WDR4: variants seen among roughly 807,000 people sequenced by gnomAD.
WDR4 encodes WDR4 tRNA N7-guanosine methyltransferase non-catalytic subunit.
WDR4 carries 47 observed loss-of-function variants against 48.6 expected under a neutral mutation model. The ratio of observed to expected loss-of-function variants is 0.97; its 90% CI spans 0.77 to 1.23. WDR4 has a LOEUF of 1.23. Ranked by LOEUF, WDR4 falls within the 50% of genes most tolerant of loss-of-function variation. The probability of loss-of-function intolerance (pLI) is 0.00; values close to 1 mark genes in which losing one functional copy is unlikely to be tolerated. For missense variants in WDR4, 606 were observed against 551.6 expected (o/e 1.10, Z -0.99); for synonymous variants, 268 against 230.0 (o/e 1.17, Z -1.49).
At chr21:42,875,992 C>T (rs1485311406) in intron 2 of WDR4, among the ~76,000 whole-genome samples, 2 of 143,226 alleles carry the variant, frequency 1.4e-5, no homozygotes, top group African/African-American at 5.4e-5. Flanking sequence ...CAACCTCGGC[C>T]GACTGCAACC....
intron 9 of WDR4, 90 bp from the exon 10 acceptor site, chr21:42,852,414 T>C: frequency 1.4e-6 from 2 of 1,446,854 alleles, no homozygotes; most frequent in Non-Finnish European, 1.9e-6. Flanking sequence ...CAGAGAGGCT[T>C]GCAGGGGAGG....
intron 7 of WDR4, among the ~76,000 whole-genome samples, chr21:42,855,174 C>A (rs1402340074): frequency 1.3e-5 from 2 of 151,938 alleles, no homozygotes; most frequent in African/African-American, 4.8e-5. Context: ...CTTCCAGGAA[C>A]CTGAGTCCAC....
At chr21:42,874,154 T>C (rs1360317922) in intron 2 of WDR4, among the ~76,000 whole-genome samples, 1 of 152,248 alleles carries the variant, frequency 6.6e-6, no homozygotes, top group Non-Finnish European at 1.5e-5. Flanking sequence ...GAAGATTTCA[T>C]GGACATTTAT....
At chr21:42,887,721 C>A in the WDR4 span, among the ~76,000 whole-genome samples, 1 of 152,038 alleles carries the variant, frequency 6.6e-6, no homozygotes, top group Non-Finnish European at 1.5e-5. Context: ...ATAAATTTAC[C>A]AGCCTGGCCA....
intron 8 of WDR4, 35 bp from the exon 9 acceptor site, chr21:42,853,787 C>T (rs1157702322): frequency 2.0e-6 from 3 of 1,533,276 alleles, no homozygotes; most frequent in East Asian, 2.5e-5. Context: ...ATTACTAGGA[C>T]TGCAGGCCCA....
At chr21:42,890,638 A>G in the WDR4 span, among the ~76,000 whole-genome samples, 1 of 152,218 alleles carries the variant, frequency 6.6e-6, no homozygotes, top group Non-Finnish European at 1.5e-5. Flanking sequence ...ATAAACAAAC[A>G]TACACTTTTA....
chr21:42,863,633 GA>G, intron 3 of WDR4, 37 bp from the exon 4 acceptor site: 1 of 1,601,828 alleles, frequency 6.2e-7, no homozygotes, highest in Middle Eastern at 1.7e-4. Flanking sequence ...TAGCTTCCAG[GA>G]GCAGCGCAGG....
downstream of WDR4, among the ~76,000 whole-genome samples, chr21:42,845,881 C>T (rs754364513): frequency 3.9e-5 from 6 of 152,148 alleles, no homozygotes; most frequent in Non-Finnish European, 4.4e-5. Flanking sequence ...ACCTGTAATC[C>T]CAGTGCTTTG....
At position 42,850,196 on chromosome 21, in the gene WDR4, C is replaced by T. The variant is rs1184434296; in HGVS notation, c.1092G>A (p.Thr364=). 8.1e-6 allele frequency: 13 copies of T among 1,613,686 alleles called. No individual in the cohort carries two copies. Among genetic ancestry groups the T allele is most frequent in the Admixed American group, 1.7e-5 (1 of 59,932 alleles). Residue 364 remains threonine, a synonymous_variant, in exon 11 of 11, where the codon ACG becomes ACA. Coordinates refer to ENST00000398208, the MANE Select transcript of WDR4 (RefSeq NM_018669.6). ...TCAGGTAGGAGGTCACGTTGTCGAA[C>T]GTGGCCTTGTAGAGACTGCTGAAGC... ...DASFSSLYKA[T]FDNVTSYLKK...
chr21:42,892,456 C>A, the WDR4 span, among the ~76,000 whole-genome samples: 2 of 150,060 alleles, frequency 1.3e-5, no homozygotes, highest in African/African-American at 5.0e-5. Context: ...AGGCCTCATT[C>A]CGCCAGTTTA....
intron 5 of WDR4, 39 bp from the exon 6 acceptor site, chr21:42,859,761 A>T: frequency 6.4e-7 from 1 of 1,551,044 alleles, no homozygotes; most frequent in Non-Finnish European, 8.7e-7. Context: ...CAGCGAGCCC[A>T]GCGCCCGCAG....
chr21:42,844,886 G>A (rs1031004285), downstream of WDR4, among the ~76,000 whole-genome samples: 7 of 152,174 alleles, frequency 4.6e-5, no homozygotes, highest in African/African-American at 4.8e-5. Context: ...CACACACCAC[G>A]GAAGCCAGGA....
In WDR4 at chr21:42,854,595, C is replaced by T; in HGVS notation, c.758G>A (p.Cys253Tyr). 1 of 1,613,842 alleles carries T rather than the reference C, an allele frequency of 6.2e-7. No homozygotes were observed. Among genetic ancestry groups the T allele is most frequent in the Non-Finnish European group, 8.5e-7 (1 of 1,179,952 alleles). Reference protein sequence around the residue: ...KFAASRIAFWCQENCVALLCD... With the variant: ...KFAASRIAFWYQENCVALLCD... ...CAGGAGCGCCACGCAGTTCTCCTGG[C>T]ACCAGAATGCAATCCTGGACGCGGC... The change falls in exon 8 of 11, where the codon TGC becomes TAC. Residue 253 changes from cysteine to tyrosine, a missense_variant. Physicochemically the swap from Cys to Tyr is radical, Grantham distance 194 (BLOSUM62 -2). Transcript: ENST00000398208.
In WDR4 at chr21:42,879,446, C is replaced by T. The variant is rs760847662; in HGVS notation, c.50G>A (p.Arg17Gln). The change falls in exon 1 of 11, where the codon CGG becomes CAG. Residue 17 changes from arginine to glutamine, a missense_variant. Physicochemically the swap from Arg to Gln is conservative, Grantham distance 43 (BLOSUM62 1). Transcript: ENST00000398208. ...GGTGGCCAGGAATCGGCTGCCGCCCCGCACCACCAACGTCTGCCCGCACAA... is the reference window on the plus strand; with the variant it reads ...GGTGGCCAGGAATCGGCTGCCGCCCTGCACCACCAACGTCTGCCCGCACAA... ...LALCGQTLVV[R>Q]GGSRFLATSI... 2 of 1,613,792 alleles carry T rather than the reference C, an allele frequency of 1.2e-6. No homozygotes were observed. The highest frequency in any genetic ancestry group is 1.1e-5 in the South Asian group (1 of 91,070).
chr21:42,866,516 C>A (rs3827238), intron 3 of WDR4, among the ~76,000 whole-genome samples: 91,705 of 151,940 alleles, frequency 0.6, 28,417 homozygotes, highest in African/African-American at 0.71. Context: ...TTCTGGGGAG[C>A]GGGTGCATCA....
intron 6 of WDR4, among the ~76,000 whole-genome samples, chr21:42,856,305 C>T (rs1305429599): frequency 4.6e-5 from 7 of 152,312 alleles, no homozygotes; most frequent in Non-Finnish European, 2.9e-5. Flanking sequence ...TTCAGGAAGC[C>T]GACACAGGAA....
At chr21:42,879,656 G>C, upstream of WDR4, 1 of 843,652 alleles carries the variant, frequency 1.2e-6, no homozygotes, top group Non-Finnish European at 1.8e-6. Context: ...GAAAGGTGCT[G>C]TGACCGCCCT....
downstream of WDR4, among the ~76,000 whole-genome samples, chr21:42,849,013 AT>A (rs2057747379): frequency 9.0e-6 from 1 of 111,056 alleles, no homozygotes; most frequent in Non-Finnish European, 1.8e-5. Context: ...ACAGCGCACG[AT>A]CACACCGCGC....
At chr21:42,875,405 A>T (rs547813948) in intron 2 of WDR4, among the ~76,000 whole-genome samples, 2 of 152,254 alleles carry the variant, frequency 1.3e-5, no homozygotes, top group African/African-American at 4.8e-5. Context: ...CAAAAAAAAA[A>T]TTAGCCGGGC....
Sources: gnomAD v4.1 joint callset for allele counts (sites outside exome capture counted in the v4.1 genomes callset) on GRCh38, gnomAD v4.1.1 for gene constraint, MANE v1.5 for transcripts, NCBI Gene and HGNC (gene_info 2026-07-23, HGNC 2026-07-21) for gene names.